Variants in ARHGEF17 observed in about 807,000 individuals in gnomAD.
The protein encoded by ARHGEF17 is Rho guanine nucleotide exchange factor 17.
Under a neutral mutation model 174.0 loss-of-function variants are expected in ARHGEF17, and 80 were observed. That is an observed-to-expected ratio of 0.46 (90% confidence interval 0.38 to 0.55). ARHGEF17 has a LOEUF of 0.55. Among genes scored for constraint, ARHGEF17 ranks in the 20% least tolerant of loss-of-function variants. The pLI, the probability that ARHGEF17 is intolerant of heterozygous loss-of-function variation, is 0.00. For synonymous variants in ARHGEF17, 1,311 were observed against 1,189.1 expected (o/e 1.10, Z -2.11); for missense variants, 2,886 against 2,839.7 (o/e 1.02, Z -0.37).
At chr11:73,341,116 C>T (rs536240883) in intron 1 of ARHGEF17, among the ~76,000 whole-genome samples, 2 of 152,250 alleles carry the variant, frequency 1.3e-5, no homozygotes, top group African/African-American at 4.8e-5. Flanking sequence ...AGCATATAGT[C>T]TCCTGGGAGG....
rs1228891719 is a variant in ARHGEF17, at chr11:73,309,560, C to T, written c.922C>T (p.Pro308Ser). 1 of 1,606,376 alleles carries T rather than the reference C, an allele frequency of 6.2e-7. No individual in the cohort carries two copies. The highest frequency in any genetic ancestry group is 1.7e-5 in the Admixed American group (1 of 59,872). ...GSSLLDQDCRPDSDGLNLSSM... is the reference protein window; with the variant it reads ...GSSLLDQDCRSDSDGLNLSSM... Reference sequence around the variant, plus strand: ...CTCCCTATTGGATCAGGACTGCAGGCCTGACAGTGATGGGTTAAATCTAAG... The same window carrying T: ...CTCCCTATTGGATCAGGACTGCAGGTCTGACAGTGATGGGTTAAATCTAAG... The change falls in exon 1 of 21, where the codon CCT becomes TCT. Residue 308 changes from proline to serine, a missense_variant. Physicochemically the swap from Pro to Ser is moderately conservative, Grantham distance 74. Around this residue, in one of 4 missense-constraint regions of ARHGEF17, gnomAD observed 1,728 missense variants for 1,461.2 expected, o/e 1.18. Transcript: ENST00000263674.
At chr11:73,349,505 C>G (rs920725629) in intron 2 of ARHGEF17, among the ~76,000 whole-genome samples, 9 of 152,102 alleles carry the variant, frequency 5.9e-5, no homozygotes, top group Non-Finnish European at 4.4e-5. Context: ...AATCCCAGCT[C>G]CTCCAGAGGC....
At chr11:73,329,770 G>T (rs1347274800) in intron 1 of ARHGEF17, among the ~76,000 whole-genome samples, 1 of 152,104 alleles carries the variant, frequency 6.6e-6, no homozygotes, top group Non-Finnish European at 1.5e-5. Context: ...CATATTAACA[G>T]GTATTTAGGT....
At chr11:73,356,948 C>T in intron 7 of ARHGEF17, 77 bp from the exon 8 acceptor site, 1 of 1,535,714 alleles carries the variant, frequency 6.5e-7, no homozygotes, top group Non-Finnish European at 9.0e-7. Flanking sequence ...TCTCAGTGTC[C>T]CCTTGGGCAC....
rs552636100 is a variant in ARHGEF17, at chr11:73,329,157, G to A, written c.3192+17327G>A. Among the ~76,000 whole-genome samples the A allele has an allele frequency of 3.9e-4, 59 of 150,720 alleles. 1 individual carries two copies. The highest frequency in any genetic ancestry group is 3.7e-3 in the Admixed American group (56 of 15,186). ...TATTTCCTACCCTGCCTGACCCCAG[G>A]CCACCCAGCTAGTAGTGTCTTTGTG... On this transcript the variant is annotated intron_variant, in intron 1 of 20. Coordinates refer to ENST00000263674, the MANE Select transcript of ARHGEF17 (RefSeq NM_014786.4).
Position 73,310,930 on chromosome 11 carries a change from C to T in ARHGEF17, c.2292C>T (p.Ser764=), listed in dbSNP as rs774836722. 1.9e-6 allele frequency: 3 copies of T among 1,613,988 alleles called. No homozygotes were observed. Among genetic ancestry groups the T allele is most frequent in the South Asian group, 1.1e-5 (1 of 91,076 alleles). Residue 764 remains serine (S), a synonymous_variant, in exon 1 of 21, where the codon AGC becomes AGT. Transcript: ENST00000263674. ...SVDSNLLGSL[S]PKTGLPATSA... ...ACAGCAACCTCCTGGGCTCACTGAG[C>T]CCCAAGACAGGGCTCCCTGCCACCT...
At chr11:73,349,649 G>A (rs563090853) in intron 2 of ARHGEF17, among the ~76,000 whole-genome samples, 2 of 152,288 alleles carry the variant, frequency 1.3e-5, no homozygotes, top group African/African-American at 4.8e-5. Context: ...AACAAAAGGT[G>A]ATGACGGCAC....
intron 6 of ARHGEF17, 37 bp downstream of exon 6, chr11:73,356,388 C>T (rs1343825936): frequency 6.5e-7 from 1 of 1,549,738 alleles, no homozygotes; most frequent in South Asian, 1.2e-5. Context: ...CTACCCCACC[C>T]CACCCACATC....
intron 1 of ARHGEF17, among the ~76,000 whole-genome samples, chr11:73,328,288 G>T (rs1266131788): frequency 2.0e-5 from 3 of 152,222 alleles, no homozygotes; most frequent in African/African-American, 4.8e-5. Flanking sequence ...CAGGAGGGAT[G>T]GGACTCTGCA....
At chr11:73,330,206 CTGAT>C (rs1268308485) in intron 1 of ARHGEF17, among the ~76,000 whole-genome samples, 1 of 151,980 alleles carries the variant, frequency 6.6e-6, no homozygotes, top group Non-Finnish European at 1.5e-5. Context: ...TATTTTTTTC[CTGAT>C]TTGTCACTTG....
chr11:73,339,844 G>A (rs989808080), intron 1 of ARHGEF17, among the ~76,000 whole-genome samples: 14 of 152,230 alleles, frequency 9.2e-5, no homozygotes, highest in African/African-American at 3.1e-4. Context: ...TGAGAGTGTG[G>A]CTCTTTCATG....
At chr11:73,327,340 T>A (rs1213221758) in intron 1 of ARHGEF17, among the ~76,000 whole-genome samples, 3 of 152,182 alleles carry the variant, frequency 2.0e-5, no homozygotes, top group Non-Finnish European at 4.4e-5. Flanking sequence ...TCTCTAGAGG[T>A]CCAGGAATCG....
Position 73,368,020 on chromosome 11 carries a change from A to C in ARHGEF17, c.*240A>C. ...TTCCAGTCATGATCGGGTGGGGGAC[A>C]TGTGGGCTGACCAGGACCTCTGACC... is the stretch of plus-strand genomic sequence containing the variant. On this transcript the variant is annotated 3_prime_UTR_variant, in exon 21 of 21. Transcript: ENST00000263674. 1 of 479,602 alleles carries C rather than the reference A, an allele frequency of 2.1e-6. No homozygotes were observed. The highest frequency in any genetic ancestry group is 3.8e-6 in the Non-Finnish European group (1 of 265,932). 29.7% of individuals were successfully genotyped at this position (479,602 alleles called of 1,614,324 possible). A position where few individuals can be genotyped will look rare whatever the true frequency, so the allele number is the denominator to read the frequency against.
chr11:73,347,375 A>G (rs138487970), intron 2 of ARHGEF17, among the ~76,000 whole-genome samples: 14 of 152,274 alleles, frequency 9.2e-5, no homozygotes, highest in Non-Finnish European at 1.9e-4. Context: ...ACAGGAATGA[A>G]TAAGAGAGCC....
chr11:73,311,665 G>A lies in ARHGEF17; in HGVS notation c.3027G>A (p.Gln1009=). ...QAPSLEDVTK[Q]YMLNLHSGEV... ...CATCGCTCGAGGACGTCACCAAGCA[G>A]TACATGCTGAACCTGCACTCCGGTG... is the stretch of plus-strand genomic sequence containing the variant. Residue 1009 remains glutamine, a synonymous_variant, in exon 1 of 21, where the codon CAG becomes CAA. Transcript: ENST00000263674. 4 of 1,613,444 alleles carry A rather than the reference G, an allele frequency of 2.5e-6. No homozygotes were observed. The highest frequency in any genetic ancestry group is 3.4e-6 in the Non-Finnish European group (4 of 1,180,036).
Position 73,313,337 on chromosome 11 carries a change from T to A in ARHGEF17, c.3192+1507T>A, listed in dbSNP as rs372179128. On this transcript the variant is annotated intron_variant, in intron 1 of 20. Transcript: ENST00000263674. ...TGGGGGAGGGGAGGAAGACAGCAGG[T>A]CCAGTTCTTGTCAGGGGTCTCCTCC... Among the ~76,000 whole-genome samples the A allele has an allele frequency of 9.2e-5, 14 of 152,254 alleles. No homozygotes were observed. The East Asian group carries it at 2.7e-3, about 29-fold the overall frequency.
At position 73,357,089 on chromosome 11, in the gene ARHGEF17, C is replaced by G. The variant is rs1311698688; in HGVS notation, c.3956C>G (p.Thr1319Ser). The change falls in exon 8 of 21, where the codon ACT becomes AGT. Residue 1319 changes from threonine to serine, a missense_variant. This residue lies in a region of ARHGEF17 where 353 missense variants were observed against 470.3 expected (regional missense o/e 0.75). Coordinates refer to ENST00000263674, the MANE Select transcript of ARHGEF17 (RefSeq NM_014786.4). ...FLFTDLIVCTTLKRKSGSLRR... is the reference protein window; with the variant it reads ...FLFTDLIVCTSLKRKSGSLRR... ...TTCACGGACCTCATCGTCTGCACCA[C>G]TCTGAAGCGAAAGTCAGGCTCCCTG... 1 of 1,614,126 alleles carries G rather than the reference C, an allele frequency of 6.2e-7. No individual in the cohort carries two copies. The highest frequency in any genetic ancestry group is 8.5e-7 in the Non-Finnish European group (1 of 1,180,060).
Position 73,362,147 on chromosome 11 carries a change from C to T in ARHGEF17, c.4602C>T (p.Arg1534=), listed in dbSNP as rs532294931. 7.5e-6 allele frequency: 12 copies of T among 1,608,316 alleles called. No individual in the cohort carries two copies. In the South Asian group the frequency reaches 9.9e-5, roughly 13 times the overall value. Residue 1534 remains arginine (R), a synonymous_variant, in exon 13 of 21, where the codon CGC becomes CGT. Transcript: ENST00000263674. ...YVGQVCLLSL[R]AEPDVEACIA... The stretch of plus-strand genomic sequence containing the variant: ...GCCAGGTGTGCCTGCTGAGCCTGCG[C>T]GCCGAGCCGGACGTGGAGGCCTGCA...
chr11:73,344,609 G>A (rs958909683), intron 1 of ARHGEF17, among the ~76,000 whole-genome samples: 7 of 152,346 alleles, frequency 4.6e-5, no homozygotes, highest in Admixed American at 6.5e-5. Context: ...TCCCCACGCC[G>A]TCTCACTGAG....
Sources: gnomAD v4.1 joint callset for allele counts (sites outside exome capture counted in the v4.1 genomes callset) on GRCh38, gnomAD v4.1.1 for gene constraint, gnomAD v4.1.1 regional missense constraint, MANE v1.5 for transcripts, NCBI Gene and HGNC (gene_info 2026-07-23, HGNC 2026-07-21) for gene names.